The following WWOX variants were observed in gnomAD, a reference collection of about 807,000 sequenced individuals.
WWOX encodes the protein WW domain containing oxidoreductase, also known as WW domain-containing oxidoreductase.
In WWOX, 69 loss-of-function variants were observed where a neutral mutation model predicts 46.2. The ratio of observed to expected loss-of-function variants is 1.49; its 90% CI spans 1.23 to 1.82. The LOEUF is 1.82. WWOX is among the 40% of genes most tolerant of loss of function. The pLI is 0.00. For synonymous variants in WWOX, 359 were observed against 202.6 expected (o/e 1.77, Z -6.56); for missense variants, 919 against 542.6 (o/e 1.69, Z -6.89).
At chr16:78,184,194 G>A (rs2035622352) in intron 5 of WWOX, among the ~76,000 whole-genome samples, 1 of 151,954 alleles carries the variant, frequency 6.6e-6, no homozygotes, top group South Asian at 2.1e-4. Flanking sequence ...TAAAAAGCAG[G>A]AACTGTCAGG....
chr16:78,169,174 C>G (rs975240633), intron 5 of WWOX, among the ~76,000 whole-genome samples: 3 of 152,166 alleles, frequency 2.0e-5, no homozygotes, highest in Non-Finnish European at 2.9e-5. Flanking sequence ...GTGCCCTCAC[C>G]TCTTAAGACA....
intron 8 of WWOX, among the ~76,000 whole-genome samples, chr16:78,830,925 A>T (rs933499757): frequency 3.9e-5 from 6 of 152,120 alleles, no homozygotes; most frequent in Middle Eastern, 3.2e-3. Context: ...TTATTTATCA[A>T]AAGGGCCATA....
At chr16:78,433,676 C>A (rs191306750) in intron 8 of WWOX, among the ~76,000 whole-genome samples, 3 of 151,982 alleles carry the variant, frequency 2.0e-5, no homozygotes, top group African/African-American at 7.2e-5. Flanking sequence ...CTATTGCAGG[C>A]CTATTATCCT....
chr16:78,456,248 T>C (rs946187324), intron 8 of WWOX, among the ~76,000 whole-genome samples: 5 of 152,102 alleles, frequency 3.3e-5, no homozygotes, highest in African/African-American at 1.2e-4. Context: ...ATTTTTAACA[T>C]AGACACCAAA....
chr16:78,838,886 G>C (rs796594089), intron 8 of WWOX, among the ~76,000 whole-genome samples: 3 of 152,116 alleles, frequency 2.0e-5, no homozygotes, highest in Non-Finnish European at 4.4e-5. Context: ...ACAGATAAGT[G>C]ATTGCCAGGG....
intron 8 of WWOX, among the ~76,000 whole-genome samples, chr16:78,451,979 C>G (rs11861181): frequency 0.066 from 10,003 of 152,200 alleles, 515 homozygotes; most frequent in South Asian, 0.16. Flanking sequence ...CATATTAATG[C>G]AATGGTTAGC....
chr16:78,438,832 A>T (rs117657897), intron 8 of WWOX, among the ~76,000 whole-genome samples: 78 of 152,272 alleles, frequency 5.1e-4, no homozygotes, highest in Non-Finnish European at 8.4e-4. Flanking sequence ...TGGGCCGGCA[A>T]TGCTGGTCCT....
At chr16:78,920,018 C>G (rs1211962798) in intron 8 of WWOX, among the ~76,000 whole-genome samples, 1 of 152,142 alleles carries the variant, frequency 6.6e-6, no homozygotes, top group Non-Finnish European at 1.5e-5. Context: ...CACTGAGGGT[C>G]ATTGTATCAG....
intron 8 of WWOX, among the ~76,000 whole-genome samples, chr16:78,483,472 T>C (rs1224877897): frequency 6.7e-6 from 1 of 149,980 alleles, no homozygotes; most frequent in Non-Finnish European, 1.5e-5. Context: ...GCAAAGGAAG[T>C]AAGTGACACT....
chr16:79,044,289 A>T (rs549543209), intron 8 of WWOX, among the ~76,000 whole-genome samples: 37 of 152,286 alleles, frequency 2.4e-4, no homozygotes, highest in African/African-American at 8.7e-4. Context: ...GGTCTGATAC[A>T]GCTTAGATGT....
chr16:78,667,054 G>C (rs1364294), intron 8 of WWOX, among the ~76,000 whole-genome samples: 5 of 152,096 alleles, frequency 3.3e-5, no homozygotes, highest in Non-Finnish European at 5.9e-5. Flanking sequence ...TTACATAATG[G>C]TCAGAGGAGT....
At position 78,229,638 on chromosome 16, in the gene WWOX, C is replaced by A. The variant is rs183464749; in HGVS notation, c.516+65349C>A. 1.6e-4 allele frequency among the ~76,000 whole-genome samples: 24 copies of A among 151,950 alleles called. No homozygotes were observed. The East Asian group carries it at 3.1e-3, about 20-fold the overall frequency. ...TTCTGTTTTTGGAGTCTCTGTAGGT[C>A]TCAGACTCACAGTCTGTACTTCTTG... On this transcript the variant is annotated intron_variant, in intron 5 of 8. Transcript: ENST00000566780.
chr16:78,642,845 A>T (rs938518191), intron 8 of WWOX, among the ~76,000 whole-genome samples: 6 of 152,194 alleles, frequency 3.9e-5, no homozygotes, highest in African/African-American at 9.7e-5. Context: ...GGATTAGGCA[A>T]TACTTTAATA....
chr16:78,146,703 T>C (rs1426014941), intron 4 of WWOX, among the ~76,000 whole-genome samples: 2 of 152,176 alleles, frequency 1.3e-5, no homozygotes, highest in Non-Finnish European at 2.9e-5. Flanking sequence ...GCTTCTCAGA[T>C]AGCGTAAAAA....
chr16:79,011,366 C>A (rs1041884806), intron 8 of WWOX, among the ~76,000 whole-genome samples: 4 of 151,796 alleles, frequency 2.6e-5, no homozygotes, highest in Non-Finnish European at 4.4e-5. Context: ...AATCCTGCCC[C>A]CTTTGGAACT....
chr16:78,481,410 A>C (rs1178366953), intron 8 of WWOX, among the ~76,000 whole-genome samples: 1 of 152,100 alleles, frequency 6.6e-6, no homozygotes, highest in Admixed American at 6.6e-5. Context: ...AAAATCCTGA[A>C]ATAAAAGGTT....
chr16:79,178,960 G>C (rs996374620), intron 8 of WWOX, among the ~76,000 whole-genome samples: 3 of 152,190 alleles, frequency 2.0e-5, no homozygotes, highest in Non-Finnish European at 4.4e-5. Flanking sequence ...ACCTTCTAGG[G>C]AAATGTGAGT....
intron 4 of WWOX, among the ~76,000 whole-genome samples, chr16:78,116,081 T>C (rs542188980): frequency 6.6e-6 from 1 of 152,226 alleles, no homozygotes; most frequent in African/African-American, 2.4e-5. Flanking sequence ...AGGGATGCAA[T>C]GTGAAATAGT....
intron 8 of WWOX, among the ~76,000 whole-genome samples, chr16:78,928,721 C>G (rs919019076): frequency 1.3e-5 from 2 of 152,024 alleles, no homozygotes; most frequent in East Asian, 3.9e-4. Flanking sequence ...TCTCTTTCAT[C>G]AACACTTTTA....
Sources: allele counts gnomAD v4.1 joint callset (sites outside exome capture counted in the v4.1 genomes callset), GRCh38; gene constraint gnomAD v4.1.1; transcripts MANE v1.5; gene names NCBI Gene and HGNC (gene_info 2026-07-23, HGNC 2026-07-21).